AMY2B: variants seen among roughly 807,000 people sequenced by gnomAD.
AMY2B encodes the protein alpha-amylase 2B.
Under a neutral mutation model 59.3 loss-of-function variants are expected in AMY2B, and 63 were observed. That is an observed-to-expected ratio of 1.06 (90% CI 0.87 to 1.31). AMY2B has a LOEUF of 1.31. AMY2B is among the 50% of genes most tolerant of loss of function. The pLI is 0.00. For synonymous variants in AMY2B, 180 were observed against 198.1 expected, an observed-to-expected ratio of 0.91 and a Z score of 0.77; for missense variants, 635 against 626.7, an observed-to-expected ratio of 1.01 and a Z score of -0.14.
upstream of AMY2B, chr1:103,570,510 C>T (rs1652083693): frequency 3.2e-6 from 2 of 634,332 alleles, no homozygotes; most frequent in African/African-American, 1.8e-5. Flanking sequence ...CACCCGGGCA[C>T]CTAGCACCAT....
Position 103,566,057 on chromosome 1 carries a change from G to T in AMY2B, c.-47+463G>T, listed in dbSNP as rs574530067. Among the ~76,000 whole-genome samples, 7 of 152,138 alleles carry T rather than the reference G, an allele frequency of 4.6e-5. No individual in the cohort carries two copies. The South Asian group carries it at 1.5e-3, about 32-fold the overall frequency. On this transcript the variant is annotated intron_variant, in intron 2 of 11. Coordinates refer to the AMY2B transcript ENST00000361355. ...GTCATGTCTCCCTCACACTTGACTTGTTTCTAAAACACTGTATTGACTTCT... is the reference window on the plus strand; with the variant it reads ...GTCATGTCTCCCTCACACTTGACTTTTTTCTAAAACACTGTATTGACTTCT...
chr1:103,576,210 A>G (rs1293200511), intron 7 of AMY2B, among the ~76,000 whole-genome samples: 2 of 152,204 alleles, frequency 1.3e-5, no homozygotes, highest in Admixed American at 1.3e-4. Flanking sequence ...TAAAGGGTTC[A>G]GAAACAGCAT....
At chr1:103,578,215 A>G (rs1331731209) in intron 9 of AMY2B, among the ~76,000 whole-genome samples, 1 of 152,210 alleles carries the variant, frequency 6.6e-6, no homozygotes, top group African/African-American at 2.4e-5. Context: ...AATCATGGAA[A>G]AATGCTGCCT....
Position 103,575,271 on chromosome 1 carries a change from C to T in AMY2B, c.927C>T (p.Val309=), listed in dbSNP as rs764797763. 3.7e-6 allele frequency: 6 copies of T among 1,613,616 alleles called. No individual in the cohort carries two copies. The highest frequency in any genetic ancestry group is 5.1e-6 in the Non-Finnish European group (6 of 1,179,676). ...WGFMPSDRAL[V]FVDNHDNQRG... ...TCATGCCTTCTGACAGAGCACTTGT[C>T]TTTGTGGATAACCATGACAATCAAC... The change falls in exon 6 of 10, where the codon GTC becomes GTT. Residue 309 remains valine, a synonymous_variant. Transcript: ENST00000684275.
At chr1:103,572,783 T>C (rs557926065) in intron 2 of AMY2B, among the ~76,000 whole-genome samples, 2 of 152,266 alleles carry the variant, frequency 1.3e-5, no homozygotes, top group East Asian at 1.9e-4. Flanking sequence ...CTGAGTTTTG[T>C]CTCCCCGAAA....
intron 2 of AMY2B, 36 bp from the exon 3 acceptor site, chr1:103,573,027 T>C: frequency 1.9e-6 from 3 of 1,612,468 alleles, no homozygotes; most frequent in Non-Finnish European, 2.5e-6. Flanking sequence ...TCTGCCTCTC[T>C]GTAAGTCACA....
exon 1 of AMY2B, chr1:103,555,071 C>G (rs1208747253): frequency 6.6e-6 from 1 of 151,812 alleles, no homozygotes; most frequent in African/African-American, 2.4e-5. Flanking sequence ...TGCTTTCTAA[C>G]TTTGAGAGGA....
chr1:103,572,941 A>G, intron 2 of AMY2B, 122 bp from the exon 3 acceptor site: 1 of 1,565,918 alleles, frequency 6.4e-7, no homozygotes. Context: ...TTGTAGGAAA[A>G]TAGTTATAAG....
chr1:103,559,986 CAA>C (rs777714497), intron 1 of AMY2B, among the ~76,000 whole-genome samples: 113 of 152,142 alleles, frequency 7.4e-4, no homozygotes, highest in Non-Finnish European at 1.4e-3. Context: ...CTTATAACAA[CAA>C]AATATTTGGA....
chr1:103,560,350 G>T (rs1028228300), intron 1 of AMY2B, among the ~76,000 whole-genome samples: 1 of 152,154 alleles, frequency 6.6e-6, no homozygotes, highest in African/African-American at 2.4e-5. Context: ...TTTTACTGTG[G>T]TATTAATTTT....
chr1:103,565,934 A>C (rs1651893998), intron 2 of AMY2B, among the ~76,000 whole-genome samples: 1 of 152,110 alleles, frequency 6.6e-6, no homozygotes, highest in Non-Finnish European at 1.5e-5. Context: ...TTTTATTATT[A>C]CTTTCCTGTT....
intron 7 of AMY2B, 147 bp downstream of exon 7, chr1:103,575,687 T>A: frequency 4.2e-6 from 5 of 1,188,324 alleles, no homozygotes; most frequent in Non-Finnish European, 5.9e-6. Context: ...TAATGCAGGT[T>A]ATATTAAAGG....
At chr1:103,562,456 GT>G (rs1651763143) in intron 1 of AMY2B, among the ~76,000 whole-genome samples, 1 of 152,084 alleles carries the variant, frequency 6.6e-6, no homozygotes, top group African/African-American at 2.4e-5. Context: ...GTGGTTGAAG[GT>G]TTACTATTTT....
At chr1:103,568,156 C>T (rs1651973982), upstream of AMY2B, among the ~76,000 whole-genome samples, 1 of 152,156 alleles carries the variant, frequency 6.6e-6, no homozygotes, top group African/African-American at 2.4e-5. Flanking sequence ...TGTAAGTTCT[C>T]TGAGAACAGA....
intron 4 of AMY2B, 93 bp downstream of exon 4, chr1:103,574,031 G>T: frequency 9.4e-6 from 15 of 1,594,498 alleles, no homozygotes; most frequent in Non-Finnish European, 1.2e-5. Context: ...ATAGGATAAG[G>T]ACTGAGTCAT....
At chr1:103,559,411 A>T (rs1651662854) in intron 1 of AMY2B, among the ~76,000 whole-genome samples, 1 of 152,140 alleles carries the variant, frequency 6.6e-6, no homozygotes, top group Non-Finnish European at 1.5e-5. Flanking sequence ...TAATTACCTA[A>T]GGGCTTTCTC....
rs376601501 is a variant in AMY2B, at chr1:103,557,672, G to C, written c.-207+2563G>C. Among the ~76,000 whole-genome samples, 11 of 151,802 alleles carry C rather than the reference G, an allele frequency of 7.2e-5. 1 individual carries two copies. In the East Asian group the frequency reaches 9.7e-4, roughly 13 times the overall value. On this transcript the variant is annotated intron_variant, in intron 1 of 11. Transcript: ENST00000361355. The stretch of plus-strand genomic sequence containing the variant: ...AAAAAAAAAAAAGTATTTTACATAA[G>C]AAATTTTAATTTTTTGTAAATTATA...
intron 1 of AMY2B, among the ~76,000 whole-genome samples, chr1:103,562,513 CTT>C (rs1043571985): frequency 6.6e-6 from 1 of 152,036 alleles, no homozygotes; most frequent in Non-Finnish European, 1.5e-5. Flanking sequence ...GGAATTAAGA[CTT>C]TATTTTTTAG....
intron 1 of AMY2B, among the ~76,000 whole-genome samples, chr1:103,559,468 C>CA (rs1651665211): frequency 6.6e-6 from 1 of 151,984 alleles, no homozygotes; most frequent in Non-Finnish European, 1.5e-5. Context: ...TGTAGTTGGA[C>CA]AAAAAATAAT....
Sources: allele counts gnomAD v4.1 joint callset (sites outside exome capture counted in the v4.1 genomes callset), GRCh38; gene constraint gnomAD v4.1.1; transcripts MANE v1.5; gene names NCBI Gene and HGNC (gene_info 2026-07-23, HGNC 2026-07-21).